The following SPIC variants were observed in gnomAD, a reference collection of about 807,000 sequenced individuals.
SPIC encodes the protein transcription factor Spi-C.
SPIC carries 9 observed loss-of-function variants against 16.7 expected under a neutral mutation model. The ratio of observed to expected loss-of-function variants is 0.54; its 90% CI spans 0.33 to 0.94. The LOEUF is 0.94. SPIC is among the 40% of genes least tolerant of loss of function. The pLI is 0.03. For synonymous variants in SPIC, 97 were observed against 102.9 expected, an observed-to-expected ratio of 0.94 and a Z score of 0.35; for missense variants, 241 against 285.8, an observed-to-expected ratio of 0.84 and a Z score of 1.13.
In SPIC at chr12:101,476,886, G is replaced by T; in HGVS notation, c.-19G>T. 1 of 1,426,334 alleles carries T rather than the reference G, an allele frequency of 7.0e-7. No individual in the cohort carries two copies. The highest frequency in any genetic ancestry group is 2.5e-5 in the East Asian group (1 of 39,666). The allele number at this position is 1,426,334 out of a possible 1,614,324, so 88.4% of individuals were successfully genotyped here. ...GCAACAATTGCTAAGGAACAGAATT[G>T]TCAATTTATTAATGAAATATGGTAA... On this transcript the variant is annotated 5_prime_UTR_variant, in exon 2 of 6. Transcript: ENST00000551346.
intron 3 of SPIC, among the ~76,000 whole-genome samples, chr12:101,479,000 G>T (rs190745210): frequency 5.3e-5 from 8 of 151,730 alleles, no homozygotes; most frequent in African/African-American, 1.9e-4. Flanking sequence ...AGCCAAGTGT[G>T]GTGGCGTGTG....
At chr12:101,481,884 T>C (rs1328646968) in intron 4 of SPIC, among the ~76,000 whole-genome samples, 2 of 144,538 alleles carry the variant, frequency 1.4e-5, no homozygotes, top group African/African-American at 5.1e-5. Context: ...AACTCTTGAC[T>C]TCAGGCGATC....
At position 101,486,974 on chromosome 12, in the gene SPIC, C is replaced by G; in HGVS notation, c.*203C>G. The G allele has an allele frequency of 2.7e-6, 1 of 371,086 alleles. No homozygotes were observed. Among genetic ancestry groups the G allele is most frequent in the Non-Finnish European group, 4.8e-6 (1 of 209,660 alleles). The allele number at this position is 371,086 out of a possible 1,614,324, so 23.0% of individuals were successfully genotyped here. A position where few individuals can be genotyped will look rare whatever the true frequency, so the allele number is the denominator to read the frequency against. On this transcript the variant is annotated 3_prime_UTR_variant, in exon 6 of 6. Transcript: ENST00000551346. ...TATACTAACTTGTTGGGAAATTCTG[C>G]CAATGAACAACTTTTTTATAATACT...
At position 101,479,282 on chromosome 12, in the gene SPIC, GAAAAAGAAAGAAAGAAAGAAAGA is replaced by G. The variant is rs1283540367; in HGVS notation, c.98-274_98-252del. On this transcript the variant is annotated intron_variant, in intron 3 of 5. Transcript: ENST00000551346. The stretch of plus-strand genomic sequence containing the variant: ...GGAAGGAAAGAAAGAAAGAAAGAAA[GAAAAAGAAAGAAAGAAAGAAAGA>G]AAAAAGAAAGAAAGAAAGAAAGAAA... Among the ~76,000 whole-genome samples, 61 of 50,988 alleles carry G rather than the reference GAAAAAGAAAGAAAGAAAGAAAGA, an allele frequency of 1.2e-3. 2 individuals carry two copies. Among genetic ancestry groups the G allele is most frequent in the African/African-American group, 5.7e-3 (58 of 10,140 alleles). The allele number at this position is 50,988 out of a possible 152,430, so 33.5% of individuals were successfully genotyped here.
chr12:101,480,487 C>G (rs565091012), intron 4 of SPIC, among the ~76,000 whole-genome samples: 69 of 152,340 alleles, frequency 4.5e-4, no homozygotes, highest in African/African-American at 1.5e-3. Flanking sequence ...AAGGGAAACA[C>G]CCTGCCATCT....
chr12:101,485,830 C>A (rs564428171), intron 5 of SPIC, among the ~76,000 whole-genome samples: 2 of 152,324 alleles, frequency 1.3e-5, no homozygotes, highest in South Asian at 4.1e-4. Flanking sequence ...GTTGCCCAGG[C>A]TGGAGTGCAG....
At chr12:101,479,287 A>AG (rs1873098642) in intron 3 of SPIC, among the ~76,000 whole-genome samples, 8 of 48,820 alleles carry the variant, frequency 1.6e-4, no homozygotes, top group Admixed American at 3.8e-4. Flanking sequence ...AGAAAGAAAA[A>AG]GAAAGAAAGA....
In SPIC at chr12:101,486,472, C is replaced by G; in HGVS notation, c.448C>G (p.Leu150Val). The change falls in exon 6 of 6, where the codon CTT becomes GTT. Residue 150 changes from leucine to valine, a missense_variant. Transcript: ENST00000551346. ...FQFVSKNKEK[L>V]AELWGKRKGN... ...GTTTGTATCAAAAAACAAAGAAAAA[C>G]TTGCCGAGCTTTGGGGGAAAAGAAA... 1 of 1,614,124 alleles carries G rather than the reference C, an allele frequency of 6.2e-7. No individual in the cohort carries two copies. The highest frequency in any genetic ancestry group is 8.5e-7 in the Non-Finnish European group (1 of 1,180,026).
chr12:101,483,927 A>G (rs1873286719), intron 5 of SPIC, among the ~76,000 whole-genome samples: 1 of 152,064 alleles, frequency 6.6e-6, no homozygotes, highest in African/African-American at 2.4e-5. Flanking sequence ...AGCCCCCCCG[A>G]ACCAAAATAG....
At chr12:101,479,318 AGAAAGAAAGAAAG>A (rs1873108747) in intron 3 of SPIC, among the ~76,000 whole-genome samples, 4 of 138,982 alleles carry the variant, frequency 2.9e-5, no homozygotes, top group East Asian at 2.0e-4. Flanking sequence ...AAAGAAAGAA[AGAAAGAAAGAAAG>A]AAAGAAAGAA....
chr12:101,477,741 G>A (rs1271048422), intron 3 of SPIC, 90 bp downstream of exon 3: 54 of 1,166,266 alleles, frequency 4.6e-5, no homozygotes, highest in Non-Finnish European at 5.0e-5. Context: ...AGCTGACCAG[G>A]TGCTGTGGCT....
Position 101,475,473 on chromosome 12 carries a change from A to G in SPIC, c.-107A>G, listed in dbSNP as rs900097999. On this transcript the variant is annotated 5_prime_UTR_variant, in exon 1 of 6. Coordinates refer to ENST00000551346, the MANE Select transcript of SPIC (RefSeq NM_152323.3). ...TTTACCGTTCTGATATTAATGAAAC[A>G]TCTCTATAAAGGGTTGAAGTGTCTT... The G allele has an allele frequency of 2.0e-5, 3 of 152,162 alleles. No homozygotes were observed. The highest frequency in any genetic ancestry group is 4.8e-5 in the African/African-American group (2 of 41,434). 9.4% of individuals were successfully genotyped at this position (152,162 alleles called of 1,614,324 possible). A position where few individuals can be genotyped will look rare whatever the true frequency, so the allele number is the denominator to read the frequency against.
At chr12:101,477,960 G>A (rs181171873) in intron 3 of SPIC, among the ~76,000 whole-genome samples, 5 of 152,220 alleles carry the variant, frequency 3.3e-5, no homozygotes, top group African/African-American at 9.6e-5. Flanking sequence ...GCTTTAGTAA[G>A]CCGAGATGGC....
intron 3 of SPIC, 131 bp downstream of exon 3, chr12:101,477,782 C>G: frequency 1.4e-6 from 1 of 739,404 alleles, no homozygotes; most frequent in Non-Finnish European, 2.2e-6. Flanking sequence ...TTTGGGAGGC[C>G]AAGGTGGGCA....
chr12:101,479,127 A>T (rs1873053110), intron 3 of SPIC, among the ~76,000 whole-genome samples: 1 of 147,450 alleles, frequency 6.8e-6, no homozygotes, highest in Non-Finnish European at 1.5e-5. Context: ...ACAGAGCAAG[A>T]CCCTGTCTTA....
At chr12:101,482,419 A>G (rs1398124816) in intron 4 of SPIC, among the ~76,000 whole-genome samples, 2 of 151,900 alleles carry the variant, frequency 1.3e-5, no homozygotes, top group African/African-American at 4.8e-5. Flanking sequence ...ATTTTATTTT[A>G]TCTTCCCAGC....
At position 101,486,439 on chromosome 12, in the gene SPIC, A is replaced by G. The variant is rs1306208314; in HGVS notation, c.415A>G (p.Ile139Val). Reference sequence around the variant, plus strand: ...TCAGTGGGTAGATAAAACCAAAGGCATCTTTCAGTTTGTATCAAAAAACAA... The same window carrying G: ...TCAGTGGGTAGATAAAACCAAAGGCGTCTTTCAGTTTGTATCAAAAAACAA... Reference protein sequence around the residue: ...CIQWVDKTKGIFQFVSKNKEK... With the variant: ...CIQWVDKTKGVFQFVSKNKEK... Residue 139 changes from isoleucine to valine, a missense_variant, in exon 6 of 6, where the codon ATC becomes GTC. Ile to Val is a conservative substitution (Grantham distance 29, BLOSUM62 3). Transcript: ENST00000551346. The G allele has an allele frequency of 3.7e-6, 6 of 1,614,210 alleles. 1 individual carries two copies. The Admixed American group carries it at 1.0e-4, about 27-fold the overall frequency.
intron 4 of SPIC, 50 bp from the exon 5 acceptor site, chr12:101,482,742 G>T: frequency 6.5e-7 from 1 of 1,540,198 alleles, no homozygotes; most frequent in Non-Finnish European, 8.8e-7. Flanking sequence ...CCTATAATAG[G>T]GGGCAACAGG....
Position 101,479,615 on chromosome 12 carries a change from G to A in SPIC, c.131G>A (p.Arg44His), listed in dbSNP as rs371586950. 1.2e-5 allele frequency: 20 copies of A among 1,613,216 alleles called. No individual in the cohort carries two copies. Among genetic ancestry groups the A allele is most frequent in the Admixed American group, 3.3e-5 (2 of 59,948 alleles). The change falls in exon 4 of 6, where the codon CGT becomes CAT. Residue 44 changes from arginine (R) to histidine (H), a missense_variant. Arg to His is a conservative substitution (Grantham distance 29). Transcript: ENST00000551346. The stretch of plus-strand genomic sequence containing the variant: ...AATTACCTGGCTTTAATCAACCATC[G>A]TCCTCATGTCAAAGGAAATTCCAGC... ...YRNYLALINH[R>H]PHVKGNSSCY...
Sources: gnomAD v4.1 joint callset for allele counts (sites outside exome capture counted in the v4.1 genomes callset) on GRCh38, gnomAD v4.1.1 for gene constraint, MANE v1.5 for transcripts, NCBI Gene and HGNC (gene_info 2026-07-23, HGNC 2026-07-21) for gene names.